SEMA3E: variants seen among roughly 807,000 people sequenced by gnomAD.
SEMA3E encodes the protein semaphorin 3E, also known as semaphorin-3E.
A neutral mutation model predicts 93.6 loss-of-function variants in SEMA3E; 49 were observed. The ratio of observed to expected loss-of-function variants is 0.52; its 90% confidence interval spans 0.42 to 0.66. The LOEUF (loss-of-function observed/expected upper bound fraction) is 0.66. Ranked by LOEUF, SEMA3E falls within the 30% of genes least tolerant of loss-of-function variation. The pLI is 0.00. For missense variants in SEMA3E, 906 were observed against 964.8 expected (o/e 0.94, Z 0.81); for synonymous variants, 363 against 330.7 (o/e 1.10, Z -1.06).
chr7:83,545,993 G>T (rs1308093744), intron 1 of SEMA3E, among the ~76,000 whole-genome samples: 6 of 144,292 alleles, frequency 4.2e-5, no homozygotes, highest in Admixed American at 2.8e-4. Flanking sequence ...AGCTACATGG[G>T]GGCATATTAT....
chr7:83,508,080 T>G (rs1790740496), intron 1 of SEMA3E, among the ~76,000 whole-genome samples: 1 of 152,214 alleles, frequency 6.6e-6, no homozygotes, highest in Non-Finnish European at 1.5e-5. Context: ...CTCAGCCTGC[T>G]TTTGTAAAAC....
chr7:83,511,035 T>TA (rs960105778), intron 1 of SEMA3E, among the ~76,000 whole-genome samples: 4 of 152,116 alleles, frequency 2.6e-5, no homozygotes, highest in East Asian at 1.9e-4. Flanking sequence ...GGACTAAACT[T>TA]AAAAAAATAA....
chr7:83,460,028 C>T (rs1022117181), intron 4 of SEMA3E, among the ~76,000 whole-genome samples: 9 of 152,122 alleles, frequency 5.9e-5, no homozygotes, highest in African/African-American at 1.7e-4. Flanking sequence ...ACTCTCTTTT[C>T]GGACTCAGCC....
At chr7:83,590,519 G>A (rs1792736702) in intron 1 of SEMA3E, among the ~76,000 whole-genome samples, 1 of 152,136 alleles carries the variant, frequency 6.6e-6, no homozygotes, top group Non-Finnish European at 1.5e-5. Flanking sequence ...GCACTAAAAA[G>A]TAGAATATTG....
At chr7:83,486,399 G>A (rs974052638) in intron 2 of SEMA3E, among the ~76,000 whole-genome samples, 1 of 152,096 alleles carries the variant, frequency 6.6e-6, no homozygotes, top group East Asian at 1.9e-4. Context: ...CTCAGAGATA[G>A]AGAAAGCACA....
chr7:83,412,155 C>A (rs543011552), intron 5 of SEMA3E, among the ~76,000 whole-genome samples: 14 of 152,212 alleles, frequency 9.2e-5, no homozygotes, highest in African/African-American at 3.4e-4. Flanking sequence ...TCTCACTTCA[C>A]CTTCCTTTTG....
intron 2 of SEMA3E, 95 bp from the exon 3 acceptor site, chr7:83,469,397 CCTTT>C: frequency 6.9e-6 from 4 of 576,248 alleles, no homozygotes; most frequent in South Asian, 6.8e-5. Flanking sequence ...CAAAACATTT[CCTTT>C]TTTTTTTTTT....
chr7:83,482,564 C>CAAAAAAAAAAAAAAAA (rs11429680), intron 2 of SEMA3E, among the ~76,000 whole-genome samples: 8 of 80,232 alleles, frequency 1.0e-4, no homozygotes, highest in African/African-American at 4.0e-4. Context: ...CACTCCGTCT[C>CAAAAAAAAAAAAAAAA]AAAAAAAAAA....
At chr7:83,493,573 T>C (rs1338658440) in intron 1 of SEMA3E, among the ~76,000 whole-genome samples, 3 of 151,972 alleles carry the variant, frequency 2.0e-5, no homozygotes, top group East Asian at 3.9e-4. Context: ...ATAAACAGAC[T>C]ATAGTTTTCT....
chr7:83,469,381 A>G, intron 2 of SEMA3E, 79 bp from the exon 3 acceptor site: 1 of 857,610 alleles, frequency 1.2e-6, no homozygotes, highest in Admixed American at 2.2e-5. Flanking sequence ...ACTTTCTTCT[A>G]CAGTTCAAAA....
intron 4 of SEMA3E, among the ~76,000 whole-genome samples, chr7:83,431,501 G>A (rs902000622): frequency 2.6e-5 from 4 of 152,070 alleles, no homozygotes; most frequent in Admixed American, 2.0e-4. Flanking sequence ...CCCCTCCCAG[G>A]TTCAAGCCAT....
At chr7:83,466,399 G>A in intron 4 of SEMA3E, 83 bp downstream of exon 4, 1 of 1,487,742 alleles carries the variant, frequency 6.7e-7, no homozygotes, top group East Asian at 2.3e-5. Flanking sequence ...ATCTTTCTTG[G>A]GAAGAAATGC....
At chr7:83,578,120 C>T (rs1792446118) in intron 1 of SEMA3E, among the ~76,000 whole-genome samples, 1 of 149,524 alleles carries the variant, frequency 6.7e-6, no homozygotes, top group African/African-American at 2.5e-5. Context: ...TATTTACATC[C>T]AGTAATGACT....
chr7:83,436,698 C>A (rs923052647), intron 4 of SEMA3E, among the ~76,000 whole-genome samples: 1 of 151,874 alleles, frequency 6.6e-6, no homozygotes, highest in Non-Finnish European at 1.5e-5. Context: ...TTATATCAAA[C>A]CCAATGGTGC....
intron 16 of SEMA3E, chr7:83,372,524 C>A: frequency 1.2e-5 from 4 of 334,928 alleles, no homozygotes; most frequent in Admixed American, 4.8e-5. Flanking sequence ...CTTGTTTTTT[C>A]AAGTTTGGTA....
At chr7:83,536,482 A>G (rs1334110515) in intron 1 of SEMA3E, among the ~76,000 whole-genome samples, 1 of 152,126 alleles carries the variant, frequency 6.6e-6, no homozygotes, top group Admixed American at 6.6e-5. Flanking sequence ...TTTTCTCATC[A>G]TTCTCTTGAA....
At chr7:83,514,246 A>G (rs1790883653) in intron 1 of SEMA3E, among the ~76,000 whole-genome samples, 1 of 152,154 alleles carries the variant, frequency 6.6e-6, no homozygotes, top group Non-Finnish European at 1.5e-5. Context: ...AAAAATGGGC[A>G]ACCAGCAGCC....
chr7:83,371,988 C>G (rs1584197963), intron 16 of SEMA3E: 1 of 315,698 alleles, frequency 3.2e-6, no homozygotes, highest in East Asian at 4.9e-5. Flanking sequence ...CAAGTTTCAT[C>G]TCTTCAAACA....
intron 1 of SEMA3E, among the ~76,000 whole-genome samples, chr7:83,591,505 T>G (rs2115947126): frequency 6.6e-6 from 1 of 151,968 alleles, no homozygotes; most frequent in Admixed American, 6.6e-5. Flanking sequence ...TTAGCTACAA[T>G]TTGGTAAAGC....
Sources: gnomAD v4.1 joint callset for allele counts (sites outside exome capture counted in the v4.1 genomes callset) on GRCh38, gnomAD v4.1.1 for gene constraint, MANE v1.5 for transcripts, NCBI Gene and HGNC (gene_info 2026-07-23, HGNC 2026-07-21) for gene names.